The following RAP1GAP2 variants were observed in gnomAD, a reference collection of about 807,000 sequenced individuals.
RAP1GAP2 encodes RAP1 GTPase activating protein 2, also known as rap1 GTPase-activating protein 2.
In RAP1GAP2, 27 loss-of-function variants were observed where a neutral mutation model predicts 95.0. The ratio of observed to expected loss-of-function variants is 0.28; its 90% confidence interval spans 0.21 to 0.39. The LOEUF (loss-of-function observed/expected upper bound fraction) is 0.39, where lower values mean the gene tolerates loss of function less well. Ranked by LOEUF, RAP1GAP2 falls within the 10% of genes least tolerant of loss-of-function variation. The pLI, the probability that RAP1GAP2 is intolerant of heterozygous loss-of-function variation, is 1.00. For missense variants in RAP1GAP2, 771 were observed against 970.0 expected (o/e 0.79, Z 2.72); for synonymous variants, 373 against 380.9 (o/e 0.98, Z 0.24).
In RAP1GAP2 at chr17:2,977,606, G is replaced by A. The variant is rs149421883; in HGVS notation, c.597-2681G>A. Among the ~76,000 whole-genome samples, 273 of 152,004 alleles carry A rather than the reference G, an allele frequency of 1.8e-3. 3 individuals are homozygous for A. Among genetic ancestry groups the A allele is most frequent in the Non-Finnish European group, 2.6e-3 (179 of 67,940 alleles). ...CTAAAAATATAAAAATTAGCTGGGCGTGGTGGCGCATGCCTGTAATCCCAG... is the reference window on the plus strand; with the variant it reads ...CTAAAAATATAAAAATTAGCTGGGCATGGTGGCGCATGCCTGTAATCCCAG... On this transcript the variant is annotated intron_variant, in intron 8 of 24. Transcript: ENST00000254695.
intron 1 of RAP1GAP2, among the ~76,000 whole-genome samples, chr17:2,756,910 C>T (rs2071159195): frequency 6.6e-6 from 1 of 152,170 alleles, no homozygotes; most frequent in African/African-American, 2.4e-5. Context: ...CCAGGTCTTG[C>T]TCAGGAGCTT....
chr17:2,981,089 A>G, intron 9 of RAP1GAP2, 106 bp from the exon 10 acceptor site: 2 of 1,024,782 alleles, frequency 2.0e-6, no homozygotes, highest in Non-Finnish European at 2.9e-6. Context: ...AGGCCTCCTG[A>G]CCCATGTGCC....
At chr17:2,968,325 TG>T (rs902386427) in intron 8 of RAP1GAP2, among the ~76,000 whole-genome samples, 3 of 152,130 alleles carry the variant, frequency 2.0e-5, no homozygotes, top group Non-Finnish European at 4.4e-5. Context: ...GTTATTAATA[TG>T]GGGAACAAGC....
intron 8 of RAP1GAP2, among the ~76,000 whole-genome samples, chr17:2,972,597 T>C (rs1400271456): frequency 7.3e-5 from 1 of 13,674 alleles, no homozygotes; most frequent in East Asian, 2.6e-3. Flanking sequence ...AAAGTCCTTC[T>C]CAAAAAAAAA....
In RAP1GAP2 at chr17:2,903,002, C is replaced by T. The variant is rs1207624132; in HGVS notation, c.81-2282C>T. 2.0e-5 allele frequency among the ~76,000 whole-genome samples: 3 copies of T among 152,202 alleles called. No homozygotes were observed. The highest frequency in any genetic ancestry group is 6.5e-5 in the Admixed American group (1 of 15,276). On this transcript the variant is annotated intron_variant, in intron 2 of 24. Transcript: ENST00000254695. The surrounding 1 kb of genome is among the most constrained non-coding windows in gnomAD (Gnocchi z 4.1). ...CCGGTGATGTTAAAACCAGCTCTGT[C>T]CTCCTCTGGACTGTGTGTTTCTGGA...
At chr17:2,846,886 C>T (rs543178235) in intron 2 of RAP1GAP2, among the ~76,000 whole-genome samples, 2 of 152,258 alleles carry the variant, frequency 1.3e-5, no homozygotes, top group East Asian at 3.9e-4. Context: ...GTGGGCATCT[C>T]CTCTCAATGG....
chr17:2,782,713 G>A lies in RAP1GAP2; in HGVS notation c.-14+5435G>A, dbSNP rs1362290480. Among the ~76,000 whole-genome samples, 5 of 152,234 alleles carry A rather than the reference G, an allele frequency of 3.3e-5. No homozygotes were observed. In the East Asian group the frequency reaches 9.7e-4, roughly 29 times the overall value. On this transcript the variant is annotated intron_variant, in intron 1 of 24. Coordinates refer to the RAP1GAP2 transcript ENST00000540393. ...TCCCAGGGGATAGTAGGTCCTATTA[G>A]GTGGGTTCGAAAACATCCCTGGCCA...
chr17:2,987,083 G>A (rs2045582334), intron 11 of RAP1GAP2, among the ~76,000 whole-genome samples: 1 of 152,210 alleles, frequency 6.6e-6, no homozygotes, highest in South Asian at 2.1e-4. Context: ...TGCAGAAGTA[G>A]CAATAGACAA....
chr17:2,889,559 A>G (rs1021286924), intron 2 of RAP1GAP2, among the ~76,000 whole-genome samples: 2 of 152,058 alleles, frequency 1.3e-5, no homozygotes, highest in Admixed American at 6.6e-5. Context: ...TGCAGGGGCC[A>G]TGGCCAGATT....
chr17:2,900,126 G>T (rs1054650508), intron 2 of RAP1GAP2, among the ~76,000 whole-genome samples: 3 of 152,184 alleles, frequency 2.0e-5, no homozygotes, highest in Non-Finnish European at 4.4e-5. Context: ...GGAGTTTCAG[G>T]CTTTGGGAGA....
At position 2,871,176 on chromosome 17, in the gene RAP1GAP2, G is replaced by C. The variant is rs1472766308; in HGVS notation, c.81-34108G>C. Among the ~76,000 whole-genome samples, 4 of 152,142 alleles carry C rather than the reference G, an allele frequency of 2.6e-5. No homozygotes were observed. The highest frequency in any genetic ancestry group is 9.7e-5 in the African/African-American group (4 of 41,434). ...TCACCATGTTGGCCAGGCTGGTCTT[G>C]AACTCCTGACCTCAGGTGATCCACC... On this transcript the variant is annotated intron_variant, in intron 2 of 24. Transcript: ENST00000254695. The surrounding 1 kb of genome is among the most constrained non-coding windows in gnomAD (Gnocchi z 5.0).
Position 2,965,776 on chromosome 17 carries a change from G to T in RAP1GAP2, c.596+133G>T. On this transcript the variant is annotated intron_variant, in intron 8 of 24. Transcript: ENST00000254695. This position sits in a 1 kb window ranked among gnomAD's most constrained non-coding sequence, Gnocchi z 4.7. The stretch of plus-strand genomic sequence containing the variant: ...TGGGTGCACTGGCTGACGGGGACAG[G>T]CCTGCTGGAATCCTGGGGCTGTGTC... 1.5e-6 allele frequency: 1 copy of T among 681,430 alleles called. No homozygotes were observed. Among genetic ancestry groups the T allele is most frequent in the Non-Finnish European group, 2.5e-6 (1 of 402,836 alleles). 42.2% of individuals were successfully genotyped at this position (681,430 alleles called of 1,614,324 possible).
intron 3 of RAP1GAP2, among the ~76,000 whole-genome samples, chr17:2,942,447 A>G (rs528440258): frequency 6.6e-6 from 1 of 152,276 alleles, no homozygotes; most frequent in East Asian, 1.9e-4. Flanking sequence ...AGATTTTTAA[A>G]ATTTTGTGTC....
At chr17:2,881,134 G>A (rs575179618) in intron 2 of RAP1GAP2, among the ~76,000 whole-genome samples, 2 of 152,128 alleles carry the variant, frequency 1.3e-5, no homozygotes, top group Middle Eastern at 3.4e-3. Context: ...GGTGGTGCAC[G>A]CCTGTAATCC....
At chr17:2,818,388 G>A (rs1304414251) in intron 2 of RAP1GAP2, among the ~76,000 whole-genome samples, 13 of 150,756 alleles carry the variant, frequency 8.6e-5, no homozygotes, top group Non-Finnish European at 4.4e-5. Flanking sequence ...GCAGTGGTGC[G>A]ATCTTGGCTC....
intron 2 of RAP1GAP2, among the ~76,000 whole-genome samples, chr17:2,841,112 G>T (rs894248374): frequency 7.9e-5 from 12 of 151,804 alleles, no homozygotes; most frequent in Admixed American, 7.9e-4. Flanking sequence ...CCGAGATTGC[G>T]CCACTGCACT....
rs1040112286 is a variant in RAP1GAP2, at chr17:2,957,689, A to G, written c.166-70A>G. 2.7e-6 allele frequency: 4 copies of G among 1,484,794 alleles called. No individual in the cohort carries two copies. The African/African-American group carries it at 5.6e-5, about 21-fold the overall frequency. 92.0% of individuals were successfully genotyped at this position (1,484,794 alleles called of 1,614,324 possible). On this transcript the variant is annotated intron_variant, in intron 3 of 24. Transcript: ENST00000254695. Reference sequence around the variant, plus strand: ...AGGCTCAGCTTCCTGATAGTTGGTGAGGAAGAGGCTTTTGCTGTGGACCTC... The same window carrying G: ...AGGCTCAGCTTCCTGATAGTTGGTGGGGAAGAGGCTTTTGCTGTGGACCTC...
intron 17 of RAP1GAP2, among the ~76,000 whole-genome samples, chr17:3,009,443 G>A (rs1239767897): frequency 6.6e-6 from 1 of 152,196 alleles, no homozygotes; most frequent in Non-Finnish European, 1.5e-5. Flanking sequence ...TATTATATGG[G>A]AGGAAACCAA....
chr17:2,826,270 C>T (rs2070559455), intron 2 of RAP1GAP2, among the ~76,000 whole-genome samples: 1 of 148,416 alleles, frequency 6.7e-6, no homozygotes, highest in Non-Finnish European at 1.5e-5. Context: ...GCTGGGATTA[C>T]AGGCGTGAGC....
Sources: allele counts gnomAD v4.1 joint callset (sites outside exome capture counted in the v4.1 genomes callset), GRCh38; gene constraint gnomAD v4.1.1; non-coding constraint Gnocchi (gnomAD v3.1); transcripts MANE v1.5; gene names NCBI Gene and HGNC (gene_info 2026-07-23, HGNC 2026-07-21).